Variants in RSAD2 observed in about 807,000 individuals in gnomAD.
The protein encoded by RSAD2 is radical S-adenosyl methionine domain containing 2, also known as S-adenosylmethionine-dependent nucleotide dehydratase RSAD2.
RSAD2 carries 38 observed loss-of-function variants against 37.7 expected under a neutral mutation model. That is an observed-to-expected ratio of 1.01 (90% CI 0.78 to 1.32). The LOEUF (loss-of-function observed/expected upper bound fraction) is 1.32. Among genes scored for constraint, RSAD2 ranks in the 40% most tolerant of loss-of-function variants. RSAD2 has a pLI of 0.00. For synonymous variants in RSAD2, 163 were observed against 157.4 expected, an observed-to-expected ratio of 1.04 and a Z score of -0.27; for missense variants, 428 against 437.5, an observed-to-expected ratio of 0.98 and a Z score of 0.19.
At chr2:6,866,980 C>G (rs368280927) in intron 1 of RSAD2, among the ~76,000 whole-genome samples, 6 of 152,096 alleles carry the variant, frequency 3.9e-5, no homozygotes. Context: ...TTTTTTAGCT[C>G]TTTGAGAATA....
Position 6,887,831 on chromosome 2 carries a change from T to C in RSAD2, c.738+667T>C, listed in dbSNP as rs186535861. Reference sequence around the variant, plus strand: ...ACAGGGCCTGTGGTGAAGGTAAGCATAGCAGGGAGGGCTTGCACAAACGTG... The same window carrying C: ...ACAGGGCCTGTGGTGAAGGTAAGCACAGCAGGGAGGGCTTGCACAAACGTG... On this transcript the variant is annotated intron_variant, in intron 3 of 5. Coordinates refer to ENST00000382040, the MANE Select transcript of RSAD2 (RefSeq NM_080657.5). Among the ~76,000 whole-genome samples, 3 of 152,242 alleles carry C rather than the reference T, an allele frequency of 2.0e-5. No individual in the cohort carries two copies. The South Asian group carries it at 6.2e-4, about 31-fold the overall frequency.
At chr2:6,879,334 A>C (rs1001458367) in intron 1 of RSAD2, among the ~76,000 whole-genome samples, 3 of 152,054 alleles carry the variant, frequency 2.0e-5, no homozygotes, top group Admixed American at 2.0e-4. Flanking sequence ...TTGGTGATTT[A>C]ACTCCTAACT....
At chr2:6,893,847 G>T (rs560053683) in intron 5 of RSAD2, 144 bp downstream of exon 5, 2 of 620,360 alleles carry the variant, frequency 3.2e-6, no homozygotes, top group South Asian at 3.9e-5. Context: ...CAGTGATTAT[G>T]ATTATGCCAG....
intron 5 of RSAD2, among the ~76,000 whole-genome samples, chr2:6,894,561 G>A (rs1427773909): frequency 6.6e-6 from 1 of 152,018 alleles, no homozygotes; most frequent in Non-Finnish European, 1.5e-5. Flanking sequence ...CAGCCACCTG[G>A]GCTCAGGTGA....
At chr2:6,869,237 T>A (rs1033770709) in intron 1 of RSAD2, among the ~76,000 whole-genome samples, 13 of 152,218 alleles carry the variant, frequency 8.5e-5, no homozygotes, top group Admixed American at 7.9e-4. Context: ...TTTCCTATTG[T>A]TCTTGCTCTA....
At chr2:6,878,955 A>C in intron 1 of RSAD2, 1 of 668,558 alleles carries the variant, frequency 1.5e-6, no homozygotes. Context: ...TTCACAAAGC[A>C]ATCACAGCCA....
Position 6,897,006 on chromosome 2 carries a change from G to A in RSAD2, c.*1064G>A, listed in dbSNP as rs868332429. On this transcript the variant is annotated 3_prime_UTR_variant, in exon 6 of 6. Coordinates refer to ENST00000382040, the MANE Select transcript of RSAD2 (RefSeq NM_080657.5). ...TGGGCAAGGAAGAATGTGAGCAAGA[G>A]TAGAGAGAGTGCCTGGATTTCATGT... The A allele has an allele frequency of 1.3e-5, 2 of 152,214 alleles. No individual in the cohort carries two copies. The highest frequency in any genetic ancestry group is 2.9e-5 in the Non-Finnish European group (2 of 68,068). The allele number at this position is 152,214 out of a possible 1,614,324, so 9.4% of individuals were successfully genotyped here.
At chr2:6,890,384 G>A (rs918637049) in intron 4 of RSAD2, 59 bp downstream of exon 4, 1 of 1,577,096 alleles carries the variant, frequency 6.3e-7, no homozygotes, top group Non-Finnish European at 8.7e-7. Flanking sequence ...ATTCCCAAAA[G>A]GGAAGTCTCT....
intron 3 of RSAD2, among the ~76,000 whole-genome samples, chr2:6,889,759 A>G (rs1663593883): frequency 6.6e-6 from 1 of 152,260 alleles, no homozygotes. Flanking sequence ...TGAAAAACAG[A>G]CATATGCTAG....
At position 6,890,184 on chromosome 2, in the gene RSAD2, G is replaced by A. The variant is rs200465043; in HGVS notation, c.747G>A (p.Gln249=). Residue 249 remains glutamine, a synonymous_variant, in exon 4 of 6, where the codon CAG becomes CAA. Coordinates refer to ENST00000382040, the MANE Select transcript of RSAD2 (RefSeq NM_080657.5). ...CTACCATTGCCTTTCAGGTGTTCCA[G>A]TGCCTCTTAATTGAGGGTGAGAATT... ...ALNPVRWKVF[Q]CLLIEGENCG... is the part of the protein sequence containing the mutation. 2.5e-6 allele frequency: 4 copies of A among 1,614,020 alleles called. No homozygotes were observed. The highest frequency in any genetic ancestry group is 3.4e-6 in the Non-Finnish European group (4 of 1,180,008).
At chr2:6,891,227 G>T (rs1008208797) in intron 4 of RSAD2, among the ~76,000 whole-genome samples, 1 of 152,048 alleles carries the variant, frequency 6.6e-6, no homozygotes, top group Non-Finnish European at 1.5e-5. Flanking sequence ...AACATTTTAA[G>T]AGTATTTGAT....
intron 1 of RSAD2, among the ~76,000 whole-genome samples, chr2:6,871,446 C>T (rs1379374159): frequency 6.6e-6 from 1 of 152,224 alleles, no homozygotes. Flanking sequence ...TAATTTTAAT[C>T]CTCCTCTAGC....
chr2:6,870,120 T>C (rs1663177946), intron 1 of RSAD2, among the ~76,000 whole-genome samples: 1 of 152,242 alleles, frequency 6.6e-6, no homozygotes, highest in Admixed American at 6.5e-5. Context: ...GACTTCCTTT[T>C]GTTCTCTGGA....
At chr2:6,868,768 G>GCTACCATAT (rs1353258784) in intron 1 of RSAD2, among the ~76,000 whole-genome samples, 2 of 152,194 alleles carry the variant, frequency 1.3e-5, no homozygotes, top group East Asian at 3.9e-4. Flanking sequence ...CTACCTTTGA[G>GCTACCATAT]GGAAGAGTTG....
intron 1 of RSAD2, among the ~76,000 whole-genome samples, chr2:6,867,755 G>T (rs1355350555): frequency 1.3e-5 from 2 of 152,134 alleles, no homozygotes; most frequent in Non-Finnish European, 2.9e-5. Context: ...AAGAAAACCT[G>T]ACACACAGTT....
At chr2:6,881,579 A>G (rs754731078) in intron 1 of RSAD2, among the ~76,000 whole-genome samples, 4 of 152,268 alleles carry the variant, frequency 2.6e-5, no homozygotes, top group Non-Finnish European at 5.9e-5. Context: ...AGCTTTAACC[A>G]TATTACCTTG....
intron 1 of RSAD2, among the ~76,000 whole-genome samples, chr2:6,881,357 T>G (rs1338422002): frequency 6.6e-6 from 1 of 152,218 alleles, no homozygotes; most frequent in Non-Finnish European, 1.5e-5. Context: ...AGATACTGTT[T>G]CATCTACCAT....
rs545080450 is a variant in RSAD2, at chr2:6,866,112, C to T, written c.142+67C>T. The T allele has an allele frequency of 2.0e-4, 45 of 229,464 alleles. No homozygotes were observed. The East Asian group carries it at 2.3e-3, about 11-fold the overall frequency. 14.2% of individuals were successfully genotyped at this position (229,464 alleles called of 1,614,324 possible). On this transcript the variant is annotated intron_variant, in intron 1 of 5. Transcript: ENST00000442639. The stretch of plus-strand genomic sequence containing the variant: ...CCTGGTTTGAGTTCCTCCTCTGCGG[C>T]TTATGCCGGGTGCATGGAGGGGGGC...
At chr2:6,880,532 A>G (rs1307781298) in intron 1 of RSAD2, among the ~76,000 whole-genome samples, 3 of 152,192 alleles carry the variant, frequency 2.0e-5, no homozygotes, top group African/African-American at 4.8e-5. Flanking sequence ...TAATGTGCTT[A>G]TTTAGGCCCA....
Sources: allele counts gnomAD v4.1 joint callset (sites outside exome capture counted in the v4.1 genomes callset), GRCh38; gene constraint gnomAD v4.1.1; transcripts MANE v1.5; gene names NCBI Gene and HGNC (gene_info 2026-07-23, HGNC 2026-07-21).